CDH12: variants seen among roughly 807,000 people sequenced by gnomAD.
The protein encoded by CDH12 is cadherin-12.
Under a neutral mutation model 74.1 loss-of-function variants are expected in CDH12, and 41 were observed. The observed-to-expected ratio is 0.55, with a 90% CI of 0.43 to 0.72. The LOEUF (loss-of-function observed/expected upper bound fraction) is 0.72, where lower values mean the gene tolerates loss of function less well. Among genes scored for constraint, CDH12 ranks in the 30% least tolerant of loss-of-function variants. CDH12 has a pLI of 0.00. For missense variants in CDH12, 945 were observed against 977.2 expected (o/e 0.97, Z 0.44); for synonymous variants, 399 against 355.0 (o/e 1.12, Z -1.39).
At chr5:22,376,362 C>T (rs1486695650) in intron 3 of CDH12, among the ~76,000 whole-genome samples, 1 of 149,458 alleles carries the variant, frequency 6.7e-6, no homozygotes, top group Non-Finnish European at 1.5e-5. Context: ...CACTTAAATA[C>T]AAAAAAAAAG....
At chr5:22,323,501 A>G (rs1470449810) in intron 3 of CDH12, among the ~76,000 whole-genome samples, 2 of 152,154 alleles carry the variant, frequency 1.3e-5, no homozygotes, top group South Asian at 4.1e-4. Context: ...AGTTATCAGA[A>G]TTTCTAATAG....
At chr5:22,087,509 C>T (rs1354315250) in intron 4 of CDH12, among the ~76,000 whole-genome samples, 1 of 152,028 alleles carries the variant, frequency 6.6e-6, no homozygotes, top group African/African-American at 2.4e-5. Context: ...GGTGTGGTGG[C>T]ACACACCTGT....
chr5:22,217,528 C>T (rs545583632), intron 3 of CDH12, among the ~76,000 whole-genome samples: 1 of 151,706 alleles, frequency 6.6e-6, no homozygotes, highest in African/African-American at 2.4e-5. Flanking sequence ...AATTGCTTTG[C>T]ATTTTAGACC....
chr5:22,545,051 T>C (rs1738256019), intron 1 of CDH12, among the ~76,000 whole-genome samples: 1 of 151,010 alleles, frequency 6.6e-6, no homozygotes. Context: ...CTCATCTGTC[T>C]GTGTAACACA....
In CDH12 at chr5:22,543,934, T is replaced by C. The variant is rs186701227; in HGVS notation, c.-522-38570A>G. Among the ~76,000 whole-genome samples the C allele has an allele frequency of 2.0e-3, 307 of 152,128 alleles. 1 individual carries two copies. Among genetic ancestry groups the C allele is most frequent in the African/African-American group, 7.0e-3 (291 of 41,526 alleles). ...TTTTTTTCACAAGTAGCTCCTGATG[T>C]GCCTAACAGTGCCGTGGACAAGTCT... is the stretch of plus-strand genomic sequence containing the variant. On this transcript the variant is annotated intron_variant, in intron 1 of 14. Coordinates refer to ENST00000382254, the MANE Select transcript of CDH12 (RefSeq NM_004061.5).
intron 9 of CDH12, among the ~76,000 whole-genome samples, chr5:21,815,359 C>A (rs1191076240): frequency 1.3e-5 from 2 of 152,062 alleles, no homozygotes; most frequent in Non-Finnish European, 2.9e-5. Flanking sequence ...ACTAAATGAG[C>A]TTCACTTTTC....
chr5:22,631,524 C>A (rs138177231), intron 1 of CDH12, among the ~76,000 whole-genome samples: 1 of 152,174 alleles, frequency 6.6e-6, no homozygotes, highest in African/African-American at 2.4e-5. Context: ...TTAAGTGAAC[C>A]GGTGCAGGGA....
intron 6 of CDH12, among the ~76,000 whole-genome samples, chr5:21,892,585 T>G (rs1271596789): frequency 6.6e-6 from 1 of 152,174 alleles, no homozygotes; most frequent in Non-Finnish European, 1.5e-5. Flanking sequence ...ATTCTTCTTG[T>G]GGCAGAAACT....
At chr5:22,121,154 C>T (rs1745491970) in intron 4 of CDH12, among the ~76,000 whole-genome samples, 1 of 152,130 alleles carries the variant, frequency 6.6e-6, no homozygotes. Context: ...TGAATGTTGA[C>T]AGGCAATTCT....
intron 4 of CDH12, among the ~76,000 whole-genome samples, chr5:22,160,228 C>G (rs1316596577): frequency 6.6e-6 from 1 of 152,002 alleles, no homozygotes; most frequent in African/African-American, 2.4e-5. Context: ...GGCTTTTCTC[C>G]TTTTTTTCTT....
At chr5:21,872,866 C>T (rs369340799) in intron 6 of CDH12, among the ~76,000 whole-genome samples, 6 of 150,492 alleles carry the variant, frequency 4.0e-5, no homozygotes, top group Non-Finnish European at 1.5e-5. Context: ...CATCTATCTA[C>T]CTATATATCA....
intron 6 of CDH12, among the ~76,000 whole-genome samples, chr5:21,873,186 T>C (rs1012135755): frequency 3.9e-5 from 6 of 152,118 alleles, no homozygotes; most frequent in Non-Finnish European, 7.3e-5. Flanking sequence ...CTATGAACTG[T>C]TCATATTTAT....
rs918498152 is a variant in CDH12 at position 22,454,635 on chromosome 5, G to A, written c.-427-49284C>T. On this transcript the variant is annotated intron_variant, in intron 2 of 14. Coordinates refer to ENST00000382254, the MANE Select transcript of CDH12 (RefSeq NM_004061.5). Reference sequence around the variant, plus strand: ...TTACAGGTGTGTGCTACCACACCCAGCTAATTTTCTTGTATTTTTAGTAGG... The same window carrying A: ...TTACAGGTGTGTGCTACCACACCCAACTAATTTTCTTGTATTTTTAGTAGG... 8.5e-5 allele frequency among the ~76,000 whole-genome samples: 13 copies of A among 152,218 alleles called. No homozygotes were observed. In the South Asian group the frequency reaches 1.7e-3, roughly 19 times the overall value.
At chr5:22,796,725 T>C (rs915615718) in intron 1 of CDH12, among the ~76,000 whole-genome samples, 1 of 106,520 alleles carries the variant, frequency 9.4e-6, no homozygotes, top group Non-Finnish European at 1.8e-5. Flanking sequence ...TTTCACCGTT[T>C]TAGCCGGGAT....
chr5:21,848,429 T>C (rs1388821395), intron 7 of CDH12, among the ~76,000 whole-genome samples: 1 of 152,040 alleles, frequency 6.6e-6, no homozygotes, highest in Admixed American at 6.6e-5. Flanking sequence ...GTTTCTGTTT[T>C]CAATTCCATA....
rs74916558 is a variant in CDH12, at chr5:22,746,145, G to C, written c.-523+106913C>G. ...CCAAAGTATTATTAGTATGGGCATA[G>C]CAAGAAGACAATTGGTATATATAGA... On this transcript the variant is annotated intron_variant, in intron 1 of 14. Transcript: ENST00000382254. 8.9e-3 allele frequency among the ~76,000 whole-genome samples: 1,349 copies of C among 152,210 alleles called. 10 individuals are homozygous for C. The highest frequency in any genetic ancestry group is 0.026 in the South Asian group (125 of 4,812).
At chr5:22,663,858 T>C (rs1740471094) in intron 1 of CDH12, among the ~76,000 whole-genome samples, 1 of 152,100 alleles carries the variant, frequency 6.6e-6, no homozygotes, top group African/African-American at 2.4e-5. Flanking sequence ...AAGTAATTGA[T>C]TAGTTACTCT....
intron 8 of CDH12, among the ~76,000 whole-genome samples, chr5:21,827,825 T>C (rs1176434935): frequency 6.6e-6 from 1 of 152,186 alleles, no homozygotes. Flanking sequence ...ATAATAAACA[T>C]GACGGCAATT....
In CDH12 at chr5:22,227,073, G is replaced by A. The variant is rs138581517; in HGVS notation, c.-332-14430C>T. Among the ~76,000 whole-genome samples, 586 of 152,108 alleles carry A rather than the reference G, an allele frequency of 3.9e-3. 7 individuals carry two copies. The highest frequency in any genetic ancestry group is 0.013 in the African/African-American group (554 of 41,496). On this transcript the variant is annotated intron_variant, in intron 3 of 14. Transcript: ENST00000382254. ...TTCTTATTCCATTTTAATTTTTGGC[G>A]TGGGAAAAATTGTACAAGTTAACAC...
Sources: allele counts gnomAD v4.1 joint callset (sites outside exome capture counted in the v4.1 genomes callset), GRCh38; gene constraint gnomAD v4.1.1; transcripts MANE v1.5; gene names NCBI Gene and HGNC (gene_info 2026-07-23, HGNC 2026-07-21).